The following CSPP1 variants were observed in gnomAD, a reference collection of about 807,000 sequenced individuals.
CSPP1 encodes centrosome and spindle pole associated protein 1.
Under a neutral mutation model 164.4 loss-of-function variants are expected in CSPP1, and 126 were observed. The ratio of observed to expected loss-of-function variants is 0.77; its 90% CI spans 0.66 to 0.89. The LOEUF is 0.89. Ranked by LOEUF, CSPP1 falls within the 40% of genes least tolerant of loss-of-function variation. The pLI, the probability that CSPP1 is intolerant of heterozygous loss-of-function variation, is 0.00. For synonymous variants in CSPP1, 472 were observed against 476.7 expected, an observed-to-expected ratio of 0.99 and a Z score of 0.13; for missense variants, 1,395 against 1,449.8, an observed-to-expected ratio of 0.96 and a Z score of 0.61.
At chr8:67,118,215 T>C (rs771819109) in intron 13 of CSPP1, 33 bp from the exon 14 acceptor site, 3 of 1,609,080 alleles carry the variant, frequency 1.9e-6, no homozygotes, top group Non-Finnish European at 2.5e-6. Context: ...CAATGAAATA[T>C]GAGAGGAATT....
Position 67,105,935 on chromosome 8 carries a change from TAATCA to T in CSPP1, c.1055_1059del (p.Asn352ArgfsTer4). ...CAGACAATGAAACATCCAAATCTGCTAATCAAGATACCTGTAGTCCTTTTGCAGGG... is the reference window on the plus strand; with the variant it reads ...CAGACAATGAAACATCCAAATCTGCTAGATACCTGTAGTCCTTTTGCAGGG... On this transcript the variant is annotated frameshift_variant, in exon 9 of 31. Coordinates refer to ENST00000678616, the MANE Select transcript of CSPP1 (RefSeq NM_001382391.1). LOFTEE classifies it high-confidence loss of function. 1 of 1,593,214 alleles carries T rather than the reference TAATCA, an allele frequency of 6.3e-7. No homozygotes were observed. The highest frequency in any genetic ancestry group is 8.6e-7 in the Non-Finnish European group (1 of 1,161,034).
Position 67,095,444 on chromosome 8 carries a change from T to G in CSPP1, c.635T>G (p.Leu212Arg), listed in dbSNP as rs1276550458. Residue 212 changes from leucine to arginine, a missense_variant, in exon 7 of 31, where the codon CTA becomes CGA. Transcript: ENST00000678616. ...GAAGAACTTCTGAACCAAAGACGAC[T>G]AGAGGAGGACAGATACCGACAACTA... is the stretch of plus-strand genomic sequence containing the variant. ...AYEELLNQRR[L>R]EEDRYRQLDD... is the part of the protein sequence containing the mutation. 6.2e-7 allele frequency: 1 copy of G among 1,613,272 alleles called. No individual in the cohort carries two copies. The highest frequency in any genetic ancestry group is 1.7e-5 in the Admixed American group (1 of 59,860).
chr8:67,149,839 A>C lies in CSPP1; in HGVS notation c.2032A>C (p.Arg678=), dbSNP rs762725926. Reference sequence around the variant, plus strand: ...AGATGCCTACCATAACCCAGATGCAAGAACATATGAAGATAAAAGGGCTGT... The same window carrying C: ...AGATGCCTACCATAACCCAGATGCACGAACATATGAAGATAAAAGGGCTGT... ...NIDAYHNPDA[R]TYEDKRAVVS... is the part of the protein sequence containing the mutation. Residue 678 remains arginine (R), a synonymous_variant, in exon 18 of 31, where the codon AGA becomes CGA. Coordinates refer to ENST00000678616, the MANE Select transcript of CSPP1 (RefSeq NM_001382391.1). 7 of 1,607,138 alleles carry C rather than the reference A, an allele frequency of 4.4e-6. No individual in the cohort carries two copies. The African/African-American group carries it at 9.4e-5, about 22-fold the overall frequency.
In CSPP1 at chr8:67,167,755, C is replaced by T. The variant is rs575517437; in HGVS notation, c.2828+3247C>T. On this transcript the variant is annotated intron_variant, in intron 24 of 30. Transcript: ENST00000678616. Reference sequence around the variant, plus strand: ...CAGACGATGGGCAGCCGGGCAGAGACGCTCCTCACTTCCTAAACGGGATGG... The same window carrying T: ...CAGACGATGGGCAGCCGGGCAGAGATGCTCCTCACTTCCTAAACGGGATGG... 1.3e-3 allele frequency among the ~76,000 whole-genome samples: 195 copies of T among 150,070 alleles called. 3 individuals carry two copies. The highest frequency in any genetic ancestry group is 0.01 in the Admixed American group (158 of 15,080).
intron 7 of CSPP1, among the ~76,000 whole-genome samples, chr8:67,101,779 C>T (rs553834948): frequency 3.3e-5 from 5 of 151,654 alleles, no homozygotes; most frequent in South Asian, 2.1e-4. Context: ...TTTTTTTTTC[C>T]GGAAAATTGC....
At chr8:67,115,047 A>G (rs1008533047) in intron 12 of CSPP1, 2 of 152,362 alleles carry the variant, frequency 1.3e-5, no homozygotes, top group African/African-American at 4.8e-5. Context: ...ATTGCAGCAC[A>G]GCCTTGTTCA....
At chr8:67,159,842 CTTTCTTTCTT>C (rs1827456332) in intron 21 of CSPP1, among the ~76,000 whole-genome samples, 4 of 128,142 alleles carry the variant, frequency 3.1e-5, no homozygotes, top group African/African-American at 7.1e-5. Context: ...TTCTTTCTTT[CTTTCTTTCTT>C]TTTCTTTCTT....
intron 1 of CSPP1, among the ~76,000 whole-genome samples, chr8:67,068,047 C>T (rs1335132662): frequency 1.3e-5 from 2 of 152,020 alleles, no homozygotes; most frequent in Non-Finnish European, 2.9e-5. Context: ...ATGGGTTTTG[C>T]TGTGTTAGCC....
chr8:67,105,750 T>C (rs891490125), intron 8 of CSPP1, among the ~76,000 whole-genome samples, 155 bp from the exon 9 acceptor site: 4 of 152,210 alleles, frequency 2.6e-5, no homozygotes, highest in Admixed American at 2.6e-4. Context: ...TAGAATGCCA[T>C]GATTTTACCT....
In CSPP1 at chr8:67,186,418, T is replaced by TA. The variant is rs60962928; in HGVS notation, c.3221-4215dup. On this transcript the variant is annotated intron_variant, in intron 28 of 30. Transcript: ENST00000678616. ...TGAAATAAACCTCACTGTTTTAAATTAAAAAAAAAAAAAAAAAGTCCAAGA... is the reference window on the plus strand; with the variant it reads ...TGAAATAAACCTCACTGTTTTAAATTAAAAAAAAAAAAAAAAAAGTCCAAGA... Among the ~76,000 whole-genome samples, 122 of 140,508 alleles carry TA rather than the reference T, an allele frequency of 8.7e-4. 1 individual carries two copies. Among genetic ancestry groups the TA allele is most frequent in the East Asian group, 2.1e-3 (10 of 4,826 alleles). The allele number at this position is 140,508 out of a possible 152,430, so 92.2% of individuals were successfully genotyped here. A position where few individuals can be genotyped will look rare whatever the true frequency, so the allele number is the denominator to read the frequency against.
chr8:67,075,133 G>T (rs894437173), intron 2 of CSPP1, among the ~76,000 whole-genome samples: 1 of 152,136 alleles, frequency 6.6e-6, no homozygotes, highest in Non-Finnish European at 1.5e-5. Context: ...AGCTTTCCTT[G>T]TTTAGGTGAA....
intron 5 of CSPP1, 110 bp from the exon 6 acceptor site, chr8:67,093,433 G>T: frequency 1.6e-6 from 1 of 629,486 alleles, no homozygotes; most frequent in Non-Finnish European, 2.8e-6. Flanking sequence ...CTTGATTCTG[G>T]GTAAGAGTTC....
At chr8:67,177,592 G>C in intron 26 of CSPP1, 88 bp from the exon 27 acceptor site, 3 of 792,650 alleles carry the variant, frequency 3.8e-6, no homozygotes, top group Non-Finnish European at 6.4e-6. Flanking sequence ...CCAGTAGAGA[G>C]CTAGTCAAAA....
At chr8:67,159,957 CTTTCTTTTCTTTTCTTTTCTTTTCT>C (rs758860786) in intron 21 of CSPP1, among the ~76,000 whole-genome samples, 4 of 20,020 alleles carry the variant, frequency 2.0e-4, no homozygotes, top group Non-Finnish European at 1.8e-4. Flanking sequence ...TTCCTTCCTT[CTTTCTTTTCTTTTCTTTTCTTTTCT>C]TTTCTTTTCT....
In CSPP1 at chr8:67,173,733, A is replaced by G. The variant is rs183698191; in HGVS notation, c.2968+1178A>G. The G allele has an allele frequency of 1.3e-3, 194 of 152,372 alleles. 2 individuals are homozygous for G. Among genetic ancestry groups the G allele is most frequent in the African/African-American group, 4.3e-3 (180 of 41,598 alleles). 9.4% of individuals were successfully genotyped at this position (152,372 alleles called of 1,614,324 possible). ...TCACCTAGATTTACACGTATTATCA[A>G]TTACGTATACTGTTATTTTTTATGC... is the stretch of plus-strand genomic sequence containing the variant. On this transcript the variant is annotated intron_variant, in intron 25 of 30. Transcript: ENST00000678616.
chr8:67,192,066 G>GTTT (rs34907123), intron 29 of CSPP1, among the ~76,000 whole-genome samples: 22 of 129,858 alleles, frequency 1.7e-4, no homozygotes, highest in South Asian at 9.7e-4. Flanking sequence ...TTGCTGATTT[G>GTTT]TTTTTTTTTT....
intron 4 of CSPP1, chr8:67,086,885 TTTC>T: frequency 1.6e-6 from 2 of 1,238,668 alleles, no homozygotes; most frequent in Non-Finnish European, 2.2e-6. Flanking sequence ...CAGTTTTTTC[TTTC>T]TTTTTTTTTT....
chr8:67,098,188 C>T (rs1420232169), intron 7 of CSPP1, among the ~76,000 whole-genome samples: 1 of 151,480 alleles, frequency 6.6e-6, no homozygotes, highest in Non-Finnish European at 1.5e-5. Flanking sequence ...TTATTCTTAA[C>T]ATACTATGCA....
chr8:67,159,919 T>TTTCCTTTC (rs1827695106), intron 21 of CSPP1, among the ~76,000 whole-genome samples: 1 of 59,336 alleles, frequency 1.7e-5, no homozygotes, highest in East Asian at 4.6e-4. Flanking sequence ...TTTCTTTCTT[T>TTTCCTTTC]CTTTCCTTTC....
Sources: allele counts gnomAD v4.1 joint callset (sites outside exome capture counted in the v4.1 genomes callset), GRCh38; gene constraint gnomAD v4.1.1; transcripts MANE v1.5; gene names NCBI Gene and HGNC (gene_info 2026-07-23, HGNC 2026-07-21).